SMPD4: variants seen among roughly 807,000 people sequenced by gnomAD.
The protein encoded by SMPD4 is sphingomyelin phosphodiesterase 4.
In SMPD4, 58 loss-of-function variants were observed where a neutral mutation model predicts 97.8. The observed-to-expected ratio is 0.59, with a 90% CI of 0.48 to 0.74. The LOEUF is 0.74. SMPD4 is among the 30% of genes least tolerant of loss of function. The pLI is 0.00. For missense variants in SMPD4, 853 were observed against 1,080.5 expected (o/e 0.79, Z 2.95); for synonymous variants, 388 against 450.0 (o/e 0.86, Z 1.74).
intron 1 of SMPD4, among the ~76,000 whole-genome samples, chr2:130,177,794 T>C (rs1177979122): frequency 2.0e-5 from 3 of 152,194 alleles, no homozygotes; most frequent in Admixed American, 6.5e-5. Context: ...GTAATGCTTG[T>C]ACAGCATTTG....
intron 10 of SMPD4, among the ~76,000 whole-genome samples, chr2:130,164,143 G>A (rs1045231822): frequency 6.6e-6 from 1 of 152,202 alleles, no homozygotes; most frequent in Non-Finnish European, 1.5e-5. Context: ...GCCCCGGAGA[G>A]GCCAGACTTC....
chr2:130,175,361 A>G (rs1472104575), intron 2 of SMPD4, among the ~76,000 whole-genome samples: 1 of 152,148 alleles, frequency 6.6e-6, no homozygotes, highest in Non-Finnish European at 1.5e-5. Context: ...CTCACAAACC[A>G]CAGAGTATAA....
rs1304154812 is a variant in SMPD4 at position 130,152,475 on chromosome 2, G to C, written c.*80C>G. ...AGGATGACCGTGTTCCCTCCTGGAG[G>C]GGCTTCCCAGGTCCTCTCAGCCCAA... On this transcript the variant is annotated 3_prime_UTR_variant, in exon 20 of 20. Coordinates refer to ENST00000680298, the MANE Select transcript of SMPD4 (RefSeq NM_017951.5). 7.3e-7 allele frequency: 1 copy of C among 1,371,868 alleles called. No homozygotes were observed. The highest frequency in any genetic ancestry group is 1.5e-5 in the African/African-American group (1 of 68,490). The allele number at this position is 1,371,868 out of a possible 1,614,324, so 85.0% of individuals were successfully genotyped here.
intron 10 of SMPD4, 88 bp from the exon 11 acceptor site, chr2:130,161,360 C>A: frequency 2.0e-6 from 2 of 1,004,816 alleles, no homozygotes; most frequent in Admixed American, 1.8e-5. Flanking sequence ...TAGGACCAGA[C>A]ACGGGAGGGG....
rs1244682728 is a variant in SMPD4 at position 130,153,936 on chromosome 2, C to T, written c.1660-1G>A. The T allele has an allele frequency of 1.2e-6, 2 of 1,612,622 alleles. No homozygotes were observed. Among genetic ancestry groups the T allele is most frequent in the South Asian group, 1.1e-5 (1 of 91,032 alleles). ...TGATGAGCTGAGCGAGGCGCAGGAC[C>T]TGCAAGGGAGGCGCGGGCAGGTCAC... On this transcript the variant is annotated splice_acceptor_variant, in intron 16 of 19. Transcript: ENST00000680298. LOFTEE classifies it high-confidence loss of function.
chr2:130,164,535 C>T (rs1687740863), intron 9 of SMPD4, 90 bp from the exon 10 acceptor site: 2 of 1,054,954 alleles, frequency 1.9e-6, no homozygotes, highest in South Asian at 1.4e-5. Context: ...ACAAGCAGAG[C>T]TGGGAACACA....
At chr2:130,154,236 G>C (rs1686531768) in intron 16 of SMPD4, 41 bp downstream of exon 16, 1 of 1,539,960 alleles carries the variant, frequency 6.5e-7, no homozygotes, top group Middle Eastern at 2.4e-4. Flanking sequence ...CAGCCCCATG[G>C]CTCCAGGGGC....
intron 10 of SMPD4, among the ~76,000 whole-genome samples, chr2:130,164,154 C>T (rs1295188559): frequency 3.9e-5 from 6 of 152,288 alleles, no homozygotes; most frequent in Non-Finnish European, 8.8e-5. Flanking sequence ...GCCAGACTTC[C>T]AGGCCTCAAG....
At chr2:130,179,261 C>CA (rs1217324987) in intron 1 of SMPD4, among the ~76,000 whole-genome samples, 3 of 152,140 alleles carry the variant, frequency 2.0e-5, no homozygotes, top group South Asian at 4.1e-4. Context: ...GCTGGGACCA[C>CA]AGGCACTGGC....
intron 11 of SMPD4, chr2:130,158,238 G>T (rs1482034670): frequency 1.6e-6 from 2 of 1,288,616 alleles, no homozygotes. Flanking sequence ...AGAAGCCCCG[G>T]GCGTCACTTC....
At chr2:130,174,499 T>G (rs1467387151) in intron 3 of SMPD4, among the ~76,000 whole-genome samples, 1 of 152,206 alleles carries the variant, frequency 6.6e-6, no homozygotes, top group East Asian at 1.9e-4. Context: ...TAAATACATA[T>G]TTTTAGTATT....
Position 130,152,429 on chromosome 2 carries a change from G to A in SMPD4, c.*126C>T. ...CCTCCAGATGCCTCTGCGGCTGCAG[G>A]AACCCCGCTCCAGAAGCCCGAGGAT... On this transcript the variant is annotated 3_prime_UTR_variant, in exon 20 of 20. Coordinates refer to ENST00000680298, the MANE Select transcript of SMPD4 (RefSeq NM_017951.5). 1 of 1,133,620 alleles carries A rather than the reference G, an allele frequency of 8.8e-7. No homozygotes were observed. The highest frequency in any genetic ancestry group is 1.2e-6 in the Non-Finnish European group (1 of 818,268). The allele number at this position is 1,133,620 out of a possible 1,614,324, so 70.2% of individuals were successfully genotyped here.
intron 1 of SMPD4, among the ~76,000 whole-genome samples, chr2:130,179,929 A>G (rs1315689310): frequency 6.6e-6 from 1 of 151,206 alleles, no homozygotes; most frequent in Non-Finnish European, 1.5e-5. Flanking sequence ...CAGAGATTAC[A>G]GACGTGAGTC....
rs748440219 is a variant in SMPD4, at chr2:130,156,182, ACTCGGTGG to A, written c.1189-55_1189-48del. On this transcript the variant is annotated intron_variant, in intron 13 of 19. Coordinates refer to ENST00000680298, the MANE Select transcript of SMPD4 (RefSeq NM_017951.5). ...AGGGCTCCGTGGCTGGGGGCCAAAT[ACTCGGTGG>A]CCTGGAGCCCAGATACCAGGCGGCA... 4 of 1,541,236 alleles carry A rather than the reference ACTCGGTGG, an allele frequency of 2.6e-6. No individual in the cohort carries two copies. In the African/African-American group the frequency reaches 5.4e-5, roughly 21 times the overall value.
rs2290295 is a variant in SMPD4, at chr2:130,173,246, C to T, written c.345+33G>A. Reference sequence around the variant, plus strand: ...CAGGGCTGTGCAAGGCCCACTGCCCCGAGCACCACTCTCGCCACTGTGGTT... The same window carrying T: ...CAGGGCTGTGCAAGGCCCACTGCCCTGAGCACCACTCTCGCCACTGTGGTT... On this transcript the variant is annotated intron_variant, in intron 5 of 19. Transcript: ENST00000680298. 0.36 allele frequency: 584,307 copies of T among 1,604,044 alleles called. 107,621 individuals carry two copies. The highest frequency in any genetic ancestry group is 0.43 in the Admixed American group (25,418 of 59,594).
rs1021196497 is a variant in SMPD4 at position 130,169,564 on chromosome 2, C to T, written c.660-1974G>A. Among the ~76,000 whole-genome samples, 38 of 143,520 alleles carry T rather than the reference C, an allele frequency of 2.6e-4. No homozygotes were observed. The South Asian group carries it at 7.6e-3, about 29-fold the overall frequency. 94.2% of individuals were successfully genotyped at this position (143,520 alleles called of 152,430 possible). ...TCTGGGTGAAGATCTATGAAAGTTT[C>T]TTTTTTTTTTTTTTCCCTGAGACAG... On this transcript the variant is annotated intron_variant, in intron 8 of 19. Coordinates refer to ENST00000680298, the MANE Select transcript of SMPD4 (RefSeq NM_017951.5).
intron 8 of SMPD4, among the ~76,000 whole-genome samples, chr2:130,169,288 A>G (rs1402512460): frequency 1.3e-5 from 2 of 152,182 alleles, no homozygotes; most frequent in African/African-American, 4.8e-5. Flanking sequence ...ATATCACTAT[A>G]TACAGTGGGT....
chr2:130,160,850 G>T (rs1687329466), intron 11 of SMPD4, among the ~76,000 whole-genome samples: 1 of 152,166 alleles, frequency 6.6e-6, no homozygotes, highest in Non-Finnish European at 1.5e-5. Flanking sequence ...GCTGAGGCCT[G>T]AGGACTCCAG....
chr2:130,173,658 T>C lies in SMPD4; in HGVS notation c.127-2A>G, dbSNP rs534879577. 14 of 1,613,856 alleles carry C rather than the reference T, an allele frequency of 8.7e-6. No homozygotes were observed. Among genetic ancestry groups the C allele is most frequent in the Non-Finnish European group, 8.5e-7 (1 of 1,179,844 alleles). On this transcript the variant is annotated splice_acceptor_variant, in intron 3 of 19. Coordinates refer to ENST00000680298, the MANE Select transcript of SMPD4 (RefSeq NM_017951.5). LOFTEE classifies it high-confidence loss of function. The stretch of plus-strand genomic sequence containing the variant: ...CCATGGGAAGATGGTGTGCAGCTCC[T>C]GAAACAATGTGTGGTGAAGCCGCGT...
Sources: allele counts gnomAD v4.1 joint callset (sites outside exome capture counted in the v4.1 genomes callset), GRCh38; gene constraint gnomAD v4.1.1; transcripts MANE v1.5; gene names NCBI Gene and HGNC (gene_info 2026-07-23, HGNC 2026-07-21).